The following TES variants were observed in gnomAD, a reference collection of about 807,000 sequenced individuals.
TES encodes testin.
In TES, 41 loss-of-function variants were observed where a neutral mutation model predicts 48.2. That is an observed-to-expected ratio of 0.85 (90% confidence interval 0.66 to 1.10). The LOEUF (loss-of-function observed/expected upper bound fraction) is 1.10, where lower values mean the gene tolerates loss of function less well. Ranked by LOEUF, TES falls within the 50% of genes least tolerant of loss-of-function variation. The probability of loss-of-function intolerance (pLI) is 0.00; values close to 1 mark genes in which losing one functional copy is unlikely to be tolerated. For missense variants in TES, 463 were observed against 515.1 expected, an observed-to-expected ratio of 0.90 and a Z score of 0.98; for synonymous variants, 162 against 174.9, an observed-to-expected ratio of 0.93 and a Z score of 0.58.
In TES at chr7:116,250,503, A is replaced by G. The variant is rs377117464; in HGVS notation, c.702+7A>G. 5.4e-5 allele frequency: 82 copies of G among 1,511,176 alleles called. No homozygotes were observed. Among genetic ancestry groups the G allele is most frequent in the Middle Eastern group, 1.8e-4 (1 of 5,646 alleles). 93.6% of individuals were successfully genotyped at this position (1,511,176 alleles called of 1,614,324 possible). ...GCACAAAAGAACTCAATATGTAAGT[A>G]GAGTGGTCACACTGTTAGCCTGATT... On this transcript the variant is annotated splice_region_variant and intron_variant, in intron 4 of 6. Transcript: ENST00000358204.
chr7:116,212,179 TG>T (rs146700971), intron 1 of TES, among the ~76,000 whole-genome samples: 1,570 of 152,252 alleles, frequency 0.01, 38 homozygotes, highest in African/African-American at 0.035. Flanking sequence ...GTCTAAAACT[TG>T]GGGGGTCTTG....
chr7:116,237,363 T>G (rs181034299), intron 2 of TES, among the ~76,000 whole-genome samples: 1 of 152,282 alleles, frequency 6.6e-6, no homozygotes, highest in Non-Finnish European at 1.5e-5. Flanking sequence ...ATTACATACT[T>G]CAGATGACTT....
intron 3 of TES, chr7:116,249,518 A>C: frequency 6.9e-6 from 3 of 432,886 alleles, no homozygotes; most frequent in Non-Finnish European, 1.2e-5. Context: ...CTTAATAATT[A>C]GATGGAAATC....
intron 6 of TES, among the ~76,000 whole-genome samples, chr7:116,256,783 T>C (rs897963964): frequency 2.0e-5 from 3 of 152,216 alleles, no homozygotes; most frequent in Non-Finnish European, 2.9e-5. Flanking sequence ...TGCAAATTCA[T>C]TTTTCTCAAA....
intron 6 of TES, 33 bp from the exon 7 acceptor site, chr7:116,257,261 C>T (rs1343474750): frequency 6.4e-7 from 1 of 1,553,162 alleles, no homozygotes; most frequent in South Asian, 1.2e-5. Flanking sequence ...AGCTTGATCT[C>T]TCACCCTCTT....
At chr7:116,230,228 T>C (rs901808479) in intron 1 of TES, among the ~76,000 whole-genome samples, 1 of 152,208 alleles carries the variant, frequency 6.6e-6, no homozygotes, top group Non-Finnish European at 1.5e-5. Flanking sequence ...CATTCCACTC[T>C]CTTTCACTTA....
Position 116,252,420 on chromosome 7 carries a change from G to T in TES, c.1021G>T (p.Val341Leu), listed in dbSNP as rs776719173. The change falls in exon 6 of 7, where the codon GTG (valine) becomes TTG (leucine). Residue 341 changes from valine to leucine, a missense_variant. By Grantham distance (32) the Val-to-Leu change is conservative. Transcript: ENST00000358204. ...CDSILAGEIY[V>L]MVNDKPVCKP... ...TAGCATTCTAGCTGGGGAGATATAC[G>T]TGATGGTCAATGACAAGCCCGTGTG... 5.6e-6 allele frequency: 9 copies of T among 1,614,086 alleles called. No individual in the cohort carries two copies. In the Admixed American group the frequency reaches 1.3e-4, roughly 24 times the overall value.
Position 116,229,022 on chromosome 7 carries a change from AT to A in TES, c.28-5511del, listed in dbSNP as rs1563007756. 1.0e-3 allele frequency among the ~76,000 whole-genome samples: 137 copies of A among 136,778 alleles called. 3 individuals are homozygous for A. The highest frequency in any genetic ancestry group is 2.1e-3 in the African/African-American group (79 of 37,042). 89.7% of individuals were successfully genotyped at this position (136,778 alleles called of 152,430 possible). On this transcript the variant is annotated intron_variant, in intron 1 of 6. Transcript: ENST00000358204. ...ACTATATATATATATATATATATAT[AT>A]ATATATATATAATCATTTCCTTAAT...
At position 116,251,746 on chromosome 7, in the gene TES, G is replaced by T; in HGVS notation, c.703-14G>T. 1 of 1,611,164 alleles carries T rather than the reference G, an allele frequency of 6.2e-7. No individual in the cohort carries two copies. The highest frequency in any genetic ancestry group is 8.5e-7 in the Non-Finnish European group (1 of 1,177,514). On this transcript the variant is annotated splice_polypyrimidine_tract_variant and intron_variant, in intron 4 of 6. Transcript: ENST00000358204. ...TTCTAATGACTAGGTTGTTCTGGATGGCTTCCCTTTCAGTCCTGCTATTGC... is the reference window on the plus strand; with the variant it reads ...TTCTAATGACTAGGTTGTTCTGGATTGCTTCCCTTTCAGTCCTGCTATTGC...
intron 2 of TES, among the ~76,000 whole-genome samples, chr7:116,236,854 A>AATCTAAGAGCCATAATAGTCT (rs1205586861): frequency 2.0e-5 from 3 of 152,156 alleles, no homozygotes; most frequent in African/African-American, 4.8e-5. Context: ...GTAGTCTGAA[A>AATCTAAGAGCCATAATAGTCT]ATCTAAGAGC....
rs957729732 is a variant in TES, at chr7:116,258,186, CTTTA to C, written c.*708_*711del. 1 of 121,072 alleles carries C rather than the reference CTTTA, an allele frequency of 8.3e-6. No homozygotes were observed. Among genetic ancestry groups the C allele is most frequent in the African/African-American group, 3.2e-5 (1 of 31,106 alleles). 7.5% of individuals were successfully genotyped at this position (121,072 alleles called of 1,614,324 possible). A position where few individuals can be genotyped will look rare whatever the true frequency, so the allele number is the denominator to read the frequency against. ...ATAACAGTATCCACACTTTTTAGTT[CTTTA>C]TTTTTTTTTTTTTATTTTGAGCAAT... is the stretch of plus-strand genomic sequence containing the variant. On this transcript the variant is annotated 3_prime_UTR_variant, in exon 7 of 7. Coordinates refer to ENST00000358204, the MANE Select transcript of TES (RefSeq NM_015641.4).
chr7:116,230,097 C>T (rs1166568928), intron 1 of TES, among the ~76,000 whole-genome samples: 1 of 152,120 alleles, frequency 6.6e-6, no homozygotes, highest in Non-Finnish European at 1.5e-5. Flanking sequence ...TCTCTAGCTG[C>T]TAAAAGTGAT....
rs1799520166 is a variant in TES at position 116,218,500 on chromosome 7, C to A, written c.27+7766C>A. ...GTGACAGTCTTAACAGAATGAGTCA[C>A]AAAGTAAGGATCAAGGATCTGATTT... On this transcript the variant is annotated intron_variant, in intron 1 of 6. Transcript: ENST00000358204. Among the ~76,000 whole-genome samples the A allele has an allele frequency of 2.0e-5, 3 of 152,172 alleles. No homozygotes were observed. In the South Asian group the frequency reaches 6.2e-4, roughly 32 times the overall value.
chr7:116,222,130 A>G (rs1407573592), intron 1 of TES, among the ~76,000 whole-genome samples: 1 of 152,176 alleles, frequency 6.6e-6, no homozygotes, highest in Non-Finnish European at 1.5e-5. Flanking sequence ...ATAAATAAAT[A>G]AGCAAGCATG....
intron 2 of TES, among the ~76,000 whole-genome samples, chr7:116,243,225 A>G (rs1456689523): frequency 1.3e-5 from 2 of 152,104 alleles, no homozygotes; most frequent in African/African-American, 2.4e-5. Flanking sequence ...ATTGTATCTA[A>G]TGTTAATCCA....
chr7:116,256,985 T>C (rs376679610), intron 6 of TES, among the ~76,000 whole-genome samples: 10 of 152,294 alleles, frequency 6.6e-5, no homozygotes, highest in African/African-American at 2.4e-4. Context: ...TCTAATAAAA[T>C]ACATCAGAAC....
At chr7:116,223,624 C>T (rs2116579567) in intron 1 of TES, among the ~76,000 whole-genome samples, 1 of 152,222 alleles carries the variant, frequency 6.6e-6, no homozygotes. Flanking sequence ...AAATCATATT[C>T]TACCCTGTCT....
chr7:116,232,233 G>T (rs1486849005), intron 1 of TES, among the ~76,000 whole-genome samples: 3 of 152,122 alleles, frequency 2.0e-5, no homozygotes, highest in South Asian at 2.1e-4. Flanking sequence ...TTAATTTAGA[G>T]GCAGAAGCAT....
intron 1 of TES, among the ~76,000 whole-genome samples, chr7:116,229,201 T>C (rs1799665959): frequency 6.6e-6 from 1 of 151,762 alleles, no homozygotes; most frequent in African/African-American, 2.4e-5. Context: ...TGCCACTCTC[T>C]CTCGCACCCT....
Sources: allele counts gnomAD v4.1 joint callset (sites outside exome capture counted in the v4.1 genomes callset), GRCh38; gene constraint gnomAD v4.1.1; transcripts MANE v1.5; gene names NCBI Gene and HGNC (gene_info 2026-07-23, HGNC 2026-07-21).